The following LRP1B variants were observed in gnomAD, a reference collection of about 807,000 sequenced individuals.
LRP1B encodes low-density lipoprotein receptor-related protein 1B.
Under a neutral mutation model 556.6 loss-of-function variants are expected in LRP1B, and 217 were observed. The observed-to-expected ratio is 0.39, with a 90% confidence interval of 0.35 to 0.44. LRP1B has a LOEUF of 0.44. Ranked by LOEUF, LRP1B falls within the 20% of genes least tolerant of loss-of-function variation. LRP1B has a pLI of 1.00. For missense variants in LRP1B, 5,053 were observed against 5,620.8 expected (o/e 0.90, Z 3.23); for synonymous variants, 2,047 against 1,865.8 (o/e 1.10, Z -2.50).
At chr2:141,971,081 C>T (rs976376994) in intron 1 of LRP1B, among the ~76,000 whole-genome samples, 1 of 151,468 alleles carries the variant, frequency 6.6e-6, no homozygotes, top group Non-Finnish European at 1.5e-5. Flanking sequence ...AGCCTAAGTT[C>T]CTGACAACCC....
intron 89 of LRP1B, 140 bp from the exon 90 acceptor site, chr2:140,235,024 T>G (rs992895950): frequency 1.3e-5 from 6 of 446,494 alleles, no homozygotes; most frequent in Non-Finnish European, 2.4e-5. Flanking sequence ...CATGTTAGCT[T>G]TAACAACTTA....
intron 7 of LRP1B, among the ~76,000 whole-genome samples, chr2:141,115,452 G>GTTTTTTTT (rs1364204085): frequency 3.3e-5 from 3 of 90,610 alleles, no homozygotes; most frequent in Non-Finnish European, 4.9e-5. Context: ...ATAGGTTTTT[G>GTTTTTTTT]TTTTTGTTTT....
Position 141,107,190 on chromosome 2 carries a change from T to C in LRP1B, c.1014-44917A>G, listed in dbSNP as rs150492346. 2.1e-4 allele frequency among the ~76,000 whole-genome samples: 32 copies of C among 152,280 alleles called. No individual in the cohort carries two copies. In the East Asian group the frequency reaches 4.4e-3, roughly 21 times the overall value. ...GGTTCTATTCAGACTTTGGAAGACT[T>C]AGTAAATAATAGCATATCATTAAAT... On this transcript the variant is annotated intron_variant, in intron 7 of 90. Coordinates refer to ENST00000389484, the MANE Select transcript of LRP1B (RefSeq NM_018557.3).
rs528232072 is a variant in LRP1B at position 141,205,134 on chromosome 2, T to A, written c.851-16551A>T. On this transcript the variant is annotated intron_variant, in intron 6 of 90. Transcript: ENST00000389484. ...ATCAATATTATTAAAGTAATGTTTC[T>A]TGTAAAAGTTCCAACACAAAGCTCT... 2.0e-5 allele frequency among the ~76,000 whole-genome samples: 3 copies of A among 152,282 alleles called. No homozygotes were observed. The East Asian group carries it at 5.8e-4, about 29-fold the overall frequency.
chr2:141,914,086 C>T (rs917463544), intron 1 of LRP1B, among the ~76,000 whole-genome samples: 2 of 152,042 alleles, frequency 1.3e-5, no homozygotes, highest in African/African-American at 4.8e-5. Flanking sequence ...GGCACAGCCT[C>T]GGCTTTAGCC....
intron 2 of LRP1B, among the ~76,000 whole-genome samples, chr2:141,770,773 G>A (rs1331389953): frequency 6.6e-6 from 1 of 152,212 alleles, no homozygotes; most frequent in Non-Finnish European, 1.5e-5. Context: ...CGGTGAGGGA[G>A]ATTGAACTTG....
intron 1 of LRP1B, among the ~76,000 whole-genome samples, chr2:141,841,839 G>A (rs1697485046): frequency 6.6e-6 from 1 of 152,108 alleles, no homozygotes; most frequent in Non-Finnish European, 1.5e-5. Context: ...TAACTACACT[G>A]TGTTAAGATA....
At chr2:141,358,252 G>A (rs1039455249) in intron 3 of LRP1B, among the ~76,000 whole-genome samples, 1 of 152,190 alleles carries the variant, frequency 6.6e-6, no homozygotes, top group Non-Finnish European at 1.5e-5. Flanking sequence ...ATCAGGAAAG[G>A]TGAAGCTACC....
At chr2:141,982,961 T>C (rs1350288282) in intron 1 of LRP1B, among the ~76,000 whole-genome samples, 2 of 152,214 alleles carry the variant, frequency 1.3e-5, no homozygotes, top group Non-Finnish European at 2.9e-5. Flanking sequence ...GCTGATGTTA[T>C]GACTAATTTC....
chr2:140,911,876 T>C (rs1264392113), intron 21 of LRP1B, among the ~76,000 whole-genome samples: 1 of 151,784 alleles, frequency 6.6e-6, no homozygotes, highest in African/African-American at 2.4e-5. Context: ...GATATATCTA[T>C]AAATCAATAT....
At chr2:141,193,783 A>G (rs983293748) in intron 6 of LRP1B, among the ~76,000 whole-genome samples, 5 of 152,156 alleles carry the variant, frequency 3.3e-5, no homozygotes, top group East Asian at 3.9e-4. Context: ...TTAAAAAAAA[A>G]AATAAAAATA....
chr2:140,459,873 C>G (rs1687247403), intron 60 of LRP1B, among the ~76,000 whole-genome samples: 1 of 152,146 alleles, frequency 6.6e-6, no homozygotes, highest in Non-Finnish European at 1.5e-5. Context: ...CCCCCCTACA[C>G]TCCCTCTCTC....
intron 6 of LRP1B, among the ~76,000 whole-genome samples, chr2:141,199,190 C>T (rs16845593): frequency 0.081 from 12,274 of 152,156 alleles, 510 homozygotes; most frequent in East Asian, 0.15. Flanking sequence ...TTTACTGTCC[C>T]GCACAAATGC....
intron 85 of LRP1B, among the ~76,000 whole-genome samples, chr2:140,273,734 C>T (rs1197709732): frequency 6.6e-6 from 1 of 151,892 alleles, no homozygotes; most frequent in Non-Finnish European, 1.5e-5. Flanking sequence ...TAAAAGAGGT[C>T]TGGAGTGAGG....
At chr2:140,428,554 A>T (rs952655210) in intron 66 of LRP1B, among the ~76,000 whole-genome samples, 3 of 152,008 alleles carry the variant, frequency 2.0e-5, no homozygotes, top group East Asian at 3.9e-4. Context: ...AGGCCCTGGA[A>T]CTCTGGCCCA....
chr2:140,355,302 TAGAA>T (rs1682158201), intron 75 of LRP1B, among the ~76,000 whole-genome samples: 1 of 151,878 alleles, frequency 6.6e-6, no homozygotes, highest in African/African-American at 2.4e-5. Context: ...ATGTAATTGA[TAGAA>T]AGAGCCTGGG....
At chr2:141,811,758 T>A (rs1014634185) in intron 1 of LRP1B, among the ~76,000 whole-genome samples, 1 of 152,100 alleles carries the variant, frequency 6.6e-6, no homozygotes, top group African/African-American at 2.4e-5. Context: ...TGCTTGAGCA[T>A]ACTTTGTATT....
chr2:141,852,901 A>G (rs555370887), intron 1 of LRP1B, among the ~76,000 whole-genome samples: 16 of 151,812 alleles, frequency 1.1e-4, no homozygotes, highest in Admixed American at 2.0e-4. Flanking sequence ...TTAAAAAAAA[A>G]AGAAATGAAA....
In LRP1B at chr2:141,548,423, A is replaced by C. The variant is rs544270390; in HGVS notation, c.206-67890T>G. ...GCACTTAGGCATAGTGGTGAATTAGATGTGGATTACATAGGGTCATGCTTT... is the reference window on the plus strand; with the variant it reads ...GCACTTAGGCATAGTGGTGAATTAGCTGTGGATTACATAGGGTCATGCTTT... On this transcript the variant is annotated intron_variant, in intron 2 of 90. Coordinates refer to ENST00000389484, the MANE Select transcript of LRP1B (RefSeq NM_018557.3). Among the ~76,000 whole-genome samples the C allele has an allele frequency of 8.5e-4, 130 of 152,340 alleles. 2 individuals are homozygous for C. Among genetic ancestry groups the C allele is most frequent in the African/African-American group, 3.0e-3 (126 of 41,584 alleles).
Sources: gnomAD v4.1 joint callset for allele counts (sites outside exome capture counted in the v4.1 genomes callset) on GRCh38, gnomAD v4.1.1 for gene constraint, MANE v1.5 for transcripts, NCBI Gene and HGNC (gene_info 2026-07-23, HGNC 2026-07-21) for gene names.